Variants in RBFOX1 observed in about 807,000 individuals in gnomAD.
RBFOX1 encodes RNA binding protein fox-1 homolog 1.
In RBFOX1, 8 loss-of-function variants were observed where a neutral mutation model predicts 57.7. That is an observed-to-expected ratio of 0.14 (90% CI 0.08 to 0.25). The LOEUF (loss-of-function observed/expected upper bound fraction) is 0.25. Ranked by LOEUF, RBFOX1 falls within the 10% of genes least tolerant of loss-of-function variation. RBFOX1 has a pLI of 1.00. For synonymous variants in RBFOX1, 326 were observed against 222.4 expected (o/e 1.47, Z -4.15); for missense variants, 611 against 548.5 (o/e 1.11, Z -1.14).
intron 5 of RBFOX1, among the ~76,000 whole-genome samples, chr16:7,551,100 A>G (rs1033379248): frequency 7.3e-5 from 11 of 151,454 alleles, no homozygotes; most frequent in Non-Finnish European, 1.6e-4. Context: ...AAAAAAAAAA[A>G]AAAAAGAAAA....
At chr16:6,483,329 C>G in intron 2 of RBFOX1, 1 of 1,468,316 alleles carries the variant, frequency 6.8e-7, no homozygotes, top group Non-Finnish European at 9.0e-7. Flanking sequence ...GCGTTCTGCA[C>G]CTGCTGGCGG....
chr16:6,478,455 TA>T (rs2095319624), intron 2 of RBFOX1, among the ~76,000 whole-genome samples: 4 of 130,832 alleles, frequency 3.1e-5, no homozygotes, highest in Non-Finnish European at 4.9e-5. Context: ...TTTGTATTTT[TA>T]GTAGAGACAG....
rs534464921 is a variant in RBFOX1 at position 6,848,411 on chromosome 16, G to C, written c.-16+193761G>C. 8.5e-5 allele frequency among the ~76,000 whole-genome samples: 13 copies of C among 152,222 alleles called. No homozygotes were observed. In the South Asian group the frequency reaches 2.7e-3, roughly 32 times the overall value. On this transcript the variant is annotated intron_variant, in intron 3 of 15. Transcript: ENST00000550418. The stretch of plus-strand genomic sequence containing the variant: ...ATACAAAGTTTTATGAAAATGCTTT[G>C]CATGCCAAACAAACACTTCTGTTGA...
chr16:7,048,551 G>A (rs542212099), intron 3 of RBFOX1, among the ~76,000 whole-genome samples: 1 of 152,156 alleles, frequency 6.6e-6, no homozygotes. Flanking sequence ...GAGCCACCGC[G>A]CCCAGCTCCT....
chr16:7,133,054 T>G (rs978644891), intron 4 of RBFOX1, among the ~76,000 whole-genome samples: 10 of 152,162 alleles, frequency 6.6e-5, no homozygotes, highest in African/African-American at 2.4e-4. Flanking sequence ...GGTATTTTCT[T>G]GCGTTTCAGA....
intron 4 of RBFOX1, among the ~76,000 whole-genome samples, chr16:5,941,198 G>A (rs1250041352): frequency 6.6e-6 from 1 of 152,122 alleles, no homozygotes; most frequent in Non-Finnish European, 1.5e-5. Context: ...GTTTTAAAAA[G>A]TAAAGAAGGG....
chr16:6,961,390 T>C (rs1011354220), intron 3 of RBFOX1, among the ~76,000 whole-genome samples: 1 of 152,190 alleles, frequency 6.6e-6, no homozygotes, highest in Admixed American at 6.5e-5. Context: ...AGCGCTGCTA[T>C]AGCAAATAGC....
Position 5,974,614 on chromosome 16 carries a change from GAAATA to G in RBFOX1, c.351+107291_351+107295del, listed in dbSNP as rs200276301. On this transcript the variant is annotated intron_variant, in intron 4 of 19. Coordinates refer to the RBFOX1 transcript ENST00000641259. ...GACAGAGCGAAAGTCCATCTCAAAA[GAAATA>G]AAATAAAATAAGATCTGTCCCCAAC... Among the ~76,000 whole-genome samples the G allele has an allele frequency of 5.0e-3, 749 of 150,928 alleles. 5 individuals are homozygous for G. Among genetic ancestry groups the G allele is most frequent in the African/African-American group, 0.017 (687 of 41,052 alleles).
chr16:7,383,281 A>T (rs2097815332), intron 4 of RBFOX1, among the ~76,000 whole-genome samples: 1 of 151,824 alleles, frequency 6.6e-6, no homozygotes, highest in Admixed American at 6.6e-5. Context: ...AAAAAAAAAA[A>T]CGTAAAATGC....
intron 4 of RBFOX1, among the ~76,000 whole-genome samples, chr16:7,245,002 G>A (rs754191539): frequency 6.6e-6 from 1 of 152,180 alleles, no homozygotes; most frequent in Non-Finnish European, 1.5e-5. Context: ...CAGTGCAGCT[G>A]CTCCTCAGCT....
At chr16:6,010,241 A>C (rs1291523510) in intron 4 of RBFOX1, among the ~76,000 whole-genome samples, 1 of 152,138 alleles carries the variant, frequency 6.6e-6, no homozygotes, top group Non-Finnish European at 1.5e-5. Context: ...ATGTCCAAGG[A>C]AGGCTGTAAG....
chr16:5,799,805 G>C (rs760540630), intron 3 of RBFOX1, among the ~76,000 whole-genome samples: 2 of 152,074 alleles, frequency 1.3e-5, no homozygotes, highest in Non-Finnish European at 2.9e-5. Flanking sequence ...ATAGCTCTTT[G>C]TACAAAGTTG....
chr16:7,198,061 C>T (rs377736067), intron 4 of RBFOX1, among the ~76,000 whole-genome samples: 5 of 127,458 alleles, frequency 3.9e-5, no homozygotes, highest in Admixed American at 9.0e-5. Context: ...GCTGGAATGC[C>T]GTGGAGCGAT....
At chr16:6,667,494 A>G (rs535116781) in intron 3 of RBFOX1, among the ~76,000 whole-genome samples, 1 of 152,158 alleles carries the variant, frequency 6.6e-6, no homozygotes, top group East Asian at 1.9e-4. Context: ...AAGGGAGAGG[A>G]GGAGAGAATA....
At chr16:6,641,117 T>A (rs1296267124) in intron 2 of RBFOX1, among the ~76,000 whole-genome samples, 1 of 152,182 alleles carries the variant, frequency 6.6e-6, no homozygotes, top group African/African-American at 2.4e-5. Context: ...GATAATTGCA[T>A]CCTCAAAACC....
chr16:6,214,427 A>G (rs2152859764), intron 1 of RBFOX1, among the ~76,000 whole-genome samples: 1 of 138,740 alleles, frequency 7.2e-6, no homozygotes, highest in African/African-American at 2.7e-5. Flanking sequence ...GGAGAGGGAG[A>G]GAGGGAGAAG....
At chr16:7,043,649 T>C (rs562337835) in intron 3 of RBFOX1, among the ~76,000 whole-genome samples, 310 of 152,374 alleles carry the variant, frequency 2.0e-3, no homozygotes, top group Middle Eastern at 6.8e-3. Context: ...TGATTCATAA[T>C]TGTCCTGAAA....
chr16:7,592,257 TA>T (rs1384248992), intron 7 of RBFOX1, among the ~76,000 whole-genome samples: 1 of 152,226 alleles, frequency 6.6e-6, no homozygotes, highest in African/African-American at 2.4e-5. Context: ...TCTCTTTGCT[TA>T]AAAAGTGAGA....
At chr16:6,318,414 T>C (rs913739353) in intron 2 of RBFOX1, among the ~76,000 whole-genome samples, 3 of 152,182 alleles carry the variant, frequency 2.0e-5, no homozygotes, top group African/African-American at 7.2e-5. Context: ...TAGTGTAAAG[T>C]TAAATTTGCT....
Sources: gnomAD v4.1 joint callset for allele counts (sites outside exome capture counted in the v4.1 genomes callset) on GRCh38, gnomAD v4.1.1 for gene constraint, MANE v1.5 for transcripts, NCBI Gene and HGNC (gene_info 2026-07-23, HGNC 2026-07-21) for gene names.